The following JPH3 variants were observed in gnomAD, a reference collection of about 807,000 sequenced individuals.
JPH3 encodes junctophilin-3.
Under a neutral mutation model 59.6 loss-of-function variants are expected in JPH3, and 11 were observed. That is an observed-to-expected ratio of 0.18 (90% CI 0.12 to 0.31). The LOEUF is 0.31. JPH3 is among the 10% of genes least tolerant of loss of function. JPH3 has a pLI of 1.00. For synonymous variants in JPH3, 673 were observed against 483.6 expected, an observed-to-expected ratio of 1.39 and a Z score of -5.14; for missense variants, 1,202 against 1,105.7, an observed-to-expected ratio of 1.09 and a Z score of -1.24.
intron 2 of JPH3, among the ~76,000 whole-genome samples, chr16:87,659,392 A>AAAAAAAAAAC (rs2032625947): frequency 6.9e-6 from 1 of 145,840 alleles, no homozygotes; most frequent in African/African-American, 2.6e-5. Context: ...AAAAAGAAAA[A>AAAAAAAAAAC]AAAAAAGAAA....
At chr16:87,610,362 A>C (rs373173478) in intron 1 of JPH3, among the ~76,000 whole-genome samples, 6 of 152,328 alleles carry the variant, frequency 3.9e-5, no homozygotes, top group African/African-American at 1.4e-4. Flanking sequence ...ACATTCCATC[A>C]GTGCAGAAAG....
At chr16:87,688,085 A>G (rs17836505) in intron 3 of JPH3, among the ~76,000 whole-genome samples, 77,552 of 152,036 alleles carry the variant, frequency 0.51, 19,863 homozygotes, top group Middle Eastern at 0.63. Context: ...AGTTCTACAC[A>G]GACCTTCTCT....
chr16:87,653,215 A>G (rs1435762992), intron 2 of JPH3, among the ~76,000 whole-genome samples: 1 of 152,122 alleles, frequency 6.6e-6, no homozygotes, highest in Non-Finnish European at 1.5e-5. Flanking sequence ...GGGTGTGTAA[A>G]ACCCAGGGTG....
At chr16:87,639,164 CT>C (rs2031856530) in intron 1 of JPH3, among the ~76,000 whole-genome samples, 8 of 152,226 alleles carry the variant, frequency 5.3e-5, no homozygotes, top group Non-Finnish European at 1.2e-4. Context: ...GCATTAGCGA[CT>C]TTCCAGCACC....
intron 2 of JPH3, among the ~76,000 whole-genome samples, chr16:87,658,237 G>A (rs1174410707): frequency 6.6e-6 from 1 of 152,174 alleles, no homozygotes; most frequent in African/African-American, 2.4e-5. Context: ...CTACCAAACA[G>A]TGCACGGCAT....
chr16:87,697,002 C>T lies in JPH3; in HGVS notation c.*342C>T. ...TTGTCCTCGTGGTCACACGTCCCGT[C>T]TTGGGTGTGGATGGAGGGCAGCCCG... On this transcript the variant is annotated 3_prime_UTR_variant, in exon 5 of 5. Coordinates refer to ENST00000284262, the MANE Select transcript of JPH3 (RefSeq NM_020655.4). The T allele has an allele frequency of 3.0e-6, 1 of 336,106 alleles. No homozygotes were observed. Among genetic ancestry groups the T allele is most frequent in the East Asian group, 7.3e-5 (1 of 13,732 alleles). The allele number at this position is 336,106 out of a possible 1,614,324, so 20.8% of individuals were successfully genotyped here.
intron 2 of JPH3, among the ~76,000 whole-genome samples, chr16:87,646,907 G>A (rs1006461870): frequency 2.6e-5 from 4 of 152,096 alleles, no homozygotes; most frequent in Admixed American, 2.0e-4. Flanking sequence ...GGGGACCTGC[G>A]ACCTGAGATA....
At chr16:87,652,731 C>T (rs1013826220) in intron 2 of JPH3, among the ~76,000 whole-genome samples, 4 of 152,222 alleles carry the variant, frequency 2.6e-5, no homozygotes, top group African/African-American at 7.2e-5. Context: ...TGAGTTGAGG[C>T]CCTTGGATCT....
intron 3 of JPH3, among the ~76,000 whole-genome samples, chr16:87,686,938 C>T (rs1369564480): frequency 6.6e-6 from 1 of 152,228 alleles, no homozygotes; most frequent in African/African-American, 2.4e-5. Flanking sequence ...TGCTGCTGCA[C>T]CTTGGAGCCT....
chr16:87,636,226 C>T (rs941948352), intron 1 of JPH3, among the ~76,000 whole-genome samples: 11 of 152,042 alleles, frequency 7.2e-5, no homozygotes, highest in African/African-American at 1.4e-4. Context: ...GCCTCCACCA[C>T]GTGCCCTGGG....
intron 1 of JPH3, among the ~76,000 whole-genome samples, chr16:87,621,719 G>A (rs1365857805): frequency 6.6e-6 from 1 of 152,202 alleles, no homozygotes; most frequent in African/African-American, 2.4e-5. Flanking sequence ...CAGGAACCAC[G>A]GGGCAAGAGG....
rs1436218635 is a variant in JPH3, at chr16:87,611,407, G to A, written c.382+7879G>A. 1.3e-5 allele frequency among the ~76,000 whole-genome samples: 2 copies of A among 152,072 alleles called. No homozygotes were observed. The highest frequency in any genetic ancestry group is 2.4e-5 in the African/African-American group (1 of 41,380). On this transcript the variant is annotated intron_variant, in intron 1 of 4. Coordinates refer to ENST00000284262, the MANE Select transcript of JPH3 (RefSeq NM_020655.4). This position sits in a 1 kb window ranked among gnomAD's most constrained non-coding sequence, Gnocchi z 4.5. ...GAGTTGTTATCCCAAGCCTGAGGCT[G>A]CAGATTTGTTCGAGGCCATGTCTCC...
Position 87,660,730 on chromosome 16 carries a change from G to A in JPH3, c.1160+15695G>A, listed in dbSNP as rs116774131. On this transcript the variant is annotated intron_variant, in intron 2 of 4. Coordinates refer to ENST00000284262, the MANE Select transcript of JPH3 (RefSeq NM_020655.4). ...GGACCCCCAATCACACTGTCATATCGCCTGTCTGAGCCTCACTGTGCTAGT... is the reference window on the plus strand; with the variant it reads ...GGACCCCCAATCACACTGTCATATCACCTGTCTGAGCCTCACTGTGCTAGT... 4.7e-3 allele frequency among the ~76,000 whole-genome samples: 720 copies of A among 152,236 alleles called. 2 individuals are homozygous for A. The highest frequency in any genetic ancestry group is 0.015 in the African/African-American group (634 of 41,530).
intron 2 of JPH3, among the ~76,000 whole-genome samples, chr16:87,656,559 A>G (rs1447267399): frequency 2.0e-5 from 3 of 152,168 alleles, no homozygotes; most frequent in Non-Finnish European, 4.4e-5. Context: ...TTGATCTTGC[A>G]GTGTTTGGGG....
At chr16:87,664,030 G>C (rs1332819684) in intron 2 of JPH3, among the ~76,000 whole-genome samples, 2 of 152,262 alleles carry the variant, frequency 1.3e-5, no homozygotes, top group South Asian at 4.1e-4. Context: ...AAGTACTCAG[G>C]GGTTAAAAAT....
chr16:87,692,218 C>CGTCTCCCTCCCCGTCTCCCTCCCT lies in JPH3; in HGVS notation c.2166+1704_2166+1705insGTCTCCCTCCCTGTCTCCCTCCCC, dbSNP rs1283531720. Among the ~76,000 whole-genome samples, 13 of 129,290 alleles carry CGTCTCCCTCCCCGTCTCCCTCCCT rather than the reference C, an allele frequency of 1.0e-4. No individual in the cohort carries two copies. The Middle Eastern group carries it at 0.012, about 119-fold the overall frequency. The allele number at this position is 129,290 out of a possible 152,430, so 84.8% of individuals were successfully genotyped here. On this transcript the variant is annotated intron_variant, in intron 4 of 4. Coordinates refer to ENST00000284262, the MANE Select transcript of JPH3 (RefSeq NM_020655.4). ...AGGTTTCCCTCCCTGTCTCCCTCCC[C>CGTCTCCCTCCCCGTCTCCCTCCCT]GTCTCCCTCCCCACAGCTTTGGAGC...
At chr16:87,638,201 G>A (rs2031821448) in intron 1 of JPH3, among the ~76,000 whole-genome samples, 1 of 152,180 alleles carries the variant, frequency 6.6e-6, no homozygotes, top group South Asian at 2.1e-4. Flanking sequence ...TTATAGGCAT[G>A]AGCCACCACA....
chr16:87,621,448 A>G (rs945720973), intron 1 of JPH3, among the ~76,000 whole-genome samples: 1 of 152,230 alleles, frequency 6.6e-6, no homozygotes, highest in Non-Finnish European at 1.5e-5. Context: ...CCAAGGCCAC[A>G]GGACTGGGCC....
At chr16:87,681,216 C>G (rs530150575) in intron 2 of JPH3, among the ~76,000 whole-genome samples, 1 of 145,070 alleles carries the variant, frequency 6.9e-6, no homozygotes, top group Non-Finnish European at 1.5e-5. Flanking sequence ...ATGACAGTTC[C>G]GGGAGGTCAG....
Sources: allele counts gnomAD v4.1 joint callset (sites outside exome capture counted in the v4.1 genomes callset), GRCh38; gene constraint gnomAD v4.1.1; non-coding constraint Gnocchi (gnomAD v3.1); transcripts MANE v1.5; gene names NCBI Gene and HGNC (gene_info 2026-07-23, HGNC 2026-07-21).